Variants in RPS6KC1 observed in about 807,000 individuals in gnomAD.
RPS6KC1 encodes ribosomal protein S6 kinase C1.
Under a neutral mutation model 103.8 loss-of-function variants are expected in RPS6KC1, and 54 were observed. The ratio of observed to expected loss-of-function variants is 0.52; its 90% CI spans 0.42 to 0.65. RPS6KC1 has a LOEUF of 0.65. Among genes scored for constraint, RPS6KC1 ranks in the 30% least tolerant of loss-of-function variants. The probability of loss-of-function intolerance (pLI) is 0.00; values close to 1 mark genes in which losing one functional copy is unlikely to be tolerated. For synonymous variants in RPS6KC1, 439 were observed against 438.7 expected, an observed-to-expected ratio of 1.00 and a Z score of -0.01; for missense variants, 1,151 against 1,253.8, an observed-to-expected ratio of 0.92 and a Z score of 1.24.
chr1:213,766,481 A>G, the RPS6KC1 span, among the ~76,000 whole-genome samples: 2 of 152,210 alleles, frequency 1.3e-5, no homozygotes, highest in African/African-American at 4.8e-5. Context: ...GGATTTTTCC[A>G]GTGTACACTC....
At chr1:213,347,087 A>G in the RPS6KC1 span, among the ~76,000 whole-genome samples, 2 of 152,184 alleles carry the variant, frequency 1.3e-5, no homozygotes. Flanking sequence ...ATTTGAGGTG[A>G]CACGTAGACC....
chr1:213,398,204 T>A, the RPS6KC1 span, among the ~76,000 whole-genome samples: 28 of 149,028 alleles, frequency 1.9e-4, no homozygotes, highest in African/African-American at 6.5e-4. Flanking sequence ...GCCTTTTTTT[T>A]TTTTTTTTTT....
At chr1:213,620,848 C>A in the RPS6KC1 span, among the ~76,000 whole-genome samples, 3 of 152,116 alleles carry the variant, frequency 2.0e-5, no homozygotes, top group Non-Finnish European at 2.9e-5. Context: ...CTGCCTCTCC[C>A]TAGGGAGGCC....
chr1:213,798,669 C>G, the RPS6KC1 span, among the ~76,000 whole-genome samples: 1 of 152,184 alleles, frequency 6.6e-6, no homozygotes, highest in Non-Finnish European at 1.5e-5. Flanking sequence ...GAAACTCAAT[C>G]AGACTTAAAT....
chr1:213,650,980 T>G, the RPS6KC1 span, among the ~76,000 whole-genome samples: 151 of 84,738 alleles, frequency 1.8e-3, no homozygotes, highest in Admixed American at 2.0e-3. Context: ...GAAAACGTGT[T>G]GGGGGTGGGG....
the RPS6KC1 span, among the ~76,000 whole-genome samples, chr1:213,613,154 T>C: frequency 1.3e-5 from 2 of 152,196 alleles, no homozygotes; most frequent in Non-Finnish European, 2.9e-5. Context: ...ACCGTTATTA[T>C]GAATGAAGGA....
chr1:213,762,158 A>T, the RPS6KC1 span, among the ~76,000 whole-genome samples: 2 of 152,194 alleles, frequency 1.3e-5, no homozygotes, highest in Admixed American at 1.3e-4. Context: ...TGTCTCGGGC[A>T]GGGACTCTGC....
the RPS6KC1 span, among the ~76,000 whole-genome samples, chr1:213,470,302 G>C: frequency 1.3e-5 from 2 of 152,158 alleles, no homozygotes; most frequent in Non-Finnish European, 2.9e-5. Context: ...GATTGGTTCT[G>C]TAAAGCTTTC....
At chr1:213,702,247 T>G in the RPS6KC1 span, among the ~76,000 whole-genome samples, 2 of 152,012 alleles carry the variant, frequency 1.3e-5, no homozygotes, top group African/African-American at 4.8e-5. Context: ...CATTATTGAT[T>G]TCTAGTTTTA....
chr1:213,221,160 A>G (rs962502831), intron 8 of RPS6KC1, among the ~76,000 whole-genome samples: 1 of 152,176 alleles, frequency 6.6e-6, no homozygotes, highest in South Asian at 2.1e-4. Flanking sequence ...CCTATTTTCA[A>G]TAAAATTACA....
At chr1:213,858,314 C>A in the RPS6KC1 span, among the ~76,000 whole-genome samples, 1 of 152,158 alleles carries the variant, frequency 6.6e-6, no homozygotes, top group East Asian at 1.9e-4. Context: ...TACAGGTGAG[C>A]ACTCCAGTGA....
chr1:213,569,978 G>A, the RPS6KC1 span, among the ~76,000 whole-genome samples: 1 of 152,204 alleles, frequency 6.6e-6, no homozygotes, highest in Non-Finnish European at 1.5e-5. Flanking sequence ...AAGAGCAAGG[G>A]AAGTGGCTCT....
At chr1:213,592,799 C>T in the RPS6KC1 span, among the ~76,000 whole-genome samples, 1 of 152,156 alleles carries the variant, frequency 6.6e-6, no homozygotes, top group Non-Finnish European at 1.5e-5. Flanking sequence ...GAGGGGCAAG[C>T]TTTGTGCTTA....
chr1:213,514,616 A>G, the RPS6KC1 span, among the ~76,000 whole-genome samples: 1 of 151,784 alleles, frequency 6.6e-6, no homozygotes, highest in South Asian at 2.1e-4. Context: ...CATTTTCTTA[A>G]TCCAGTCTAT....
chr1:213,067,021 C>CT (rs1035184065), intron 1 of RPS6KC1, among the ~76,000 whole-genome samples: 7 of 152,166 alleles, frequency 4.6e-5, no homozygotes, highest in Admixed American at 1.3e-4. Context: ...GAATCAGAAA[C>CT]TCAAAAGGAT....
chr1:213,515,102 T>G, the RPS6KC1 span, among the ~76,000 whole-genome samples: 1 of 152,254 alleles, frequency 6.6e-6, no homozygotes, highest in Non-Finnish European at 1.5e-5. Context: ...TAAATTTGTT[T>G]GAGTTCATTG....
chr1:213,300,329 TG>T, the RPS6KC1 span, among the ~76,000 whole-genome samples: 29 of 152,188 alleles, frequency 1.9e-4, 1 homozygote, highest in Non-Finnish European at 3.8e-4. Flanking sequence ...CCATATTGGG[TG>T]GTGTGACTCT....
the RPS6KC1 span, among the ~76,000 whole-genome samples, chr1:213,503,477 C>G: frequency 1.3e-5 from 2 of 152,154 alleles, no homozygotes; most frequent in African/African-American, 2.4e-5. Context: ...GGATAAGGTG[C>G]CTGTAGCAGT....
chr1:213,759,043 T>G, the RPS6KC1 span, among the ~76,000 whole-genome samples: 1,176 of 152,354 alleles, frequency 7.7e-3, 15 homozygotes, highest in East Asian at 0.063. Flanking sequence ...GAGACTCTTT[T>G]GTGAAAGGAA....
Sources: gnomAD v4.1 joint callset for allele counts (sites outside exome capture counted in the v4.1 genomes callset) on GRCh38, gnomAD v4.1.1 for gene constraint, MANE v1.5 for transcripts, NCBI Gene and HGNC (gene_info 2026-07-23, HGNC 2026-07-21) for gene names.